Variants in CPS1 observed in about 807,000 individuals in gnomAD.
The protein encoded by CPS1 is carbamoyl-phosphate synthase 1, also known as carbamoyl-phosphate synthase [ammonia], mitochondrial.
In CPS1, 109 loss-of-function variants were observed where a neutral mutation model predicts 174.6. The ratio of observed to expected loss-of-function variants is 0.62; its 90% CI spans 0.53 to 0.73. The LOEUF is 0.73. Ranked by LOEUF, CPS1 falls within the 30% of genes least tolerant of loss-of-function variation. CPS1 has a pLI of 0.00. For missense variants in CPS1, 1,689 were observed against 1,821.9 expected, an observed-to-expected ratio of 0.93 and a Z score of 1.33; for synonymous variants, 637 against 632.0, an observed-to-expected ratio of 1.01 and a Z score of -0.12.
intron 21 of CPS1, among the ~76,000 whole-genome samples, chr2:210,633,346 C>A (rs1699929922): frequency 6.6e-6 from 1 of 151,958 alleles, no homozygotes; most frequent in African/African-American, 2.4e-5. Context: ...TATCAATCAA[C>A]CTTTTTCTTT....
intron 18 of CPS1, among the ~76,000 whole-genome samples, chr2:210,607,143 G>T (rs1486999782): frequency 3.3e-5 from 5 of 151,906 alleles, no homozygotes; most frequent in Non-Finnish European, 1.5e-5. Flanking sequence ...TTGCTAGCTG[G>T]CTTTGTTTGC....
In CPS1 at chr2:210,674,480, AAACC is replaced by A. The variant is rs1354312116; in HGVS notation, c.4102-419_4102-416del. The A allele has an allele frequency of 0.031, 3,102 of 99,712 alleles. 81 individuals are homozygous for A. Among genetic ancestry groups the A allele is most frequent in the African/African-American group, 0.091 (2,326 of 25,682 alleles). 6.2% of individuals were successfully genotyped at this position (99,712 alleles called of 1,614,324 possible). ...GCAAAAAACCCCATCTCAAAAAAAA[AAACC>A]AAAAAAAAAAAAAAGAAATAAGAGC... On this transcript the variant is annotated intron_variant, in intron 34 of 37. Transcript: ENST00000233072.
chr2:210,660,839 A>G (rs1306716557), intron 32 of CPS1, among the ~76,000 whole-genome samples, 184 bp downstream of exon 32: 1 of 152,214 alleles, frequency 6.6e-6, no homozygotes, highest in Non-Finnish European at 1.5e-5. Flanking sequence ...ACTGTTGTAC[A>G]TTTCAAAAAA....
chr2:210,653,653 C>G (rs542336757), intron 28 of CPS1, among the ~76,000 whole-genome samples: 3 of 152,120 alleles, frequency 2.0e-5, no homozygotes, highest in South Asian at 4.2e-4. Context: ...TATTCTGAAC[C>G]AATAATAATA....
intron 1 of CPS1, among the ~76,000 whole-genome samples, chr2:210,489,539 C>A (rs1694816893): frequency 6.6e-6 from 1 of 152,058 alleles, no homozygotes; most frequent in Admixed American, 6.6e-5. Flanking sequence ...AGTTTTCTTC[C>A]CTGGCACATA....
chr2:210,502,259 TAATG>T (rs557873912), intron 1 of CPS1, among the ~76,000 whole-genome samples: 2 of 151,834 alleles, frequency 1.3e-5, no homozygotes, highest in South Asian at 2.1e-4. Flanking sequence ...CTTCTCGAAT[TAATG>T]CTCACAGAGT....
At chr2:210,608,745 G>A (rs1255713291) in intron 19 of CPS1, among the ~76,000 whole-genome samples, 186 bp downstream of exon 19, 1 of 151,830 alleles carries the variant, frequency 6.6e-6, no homozygotes, top group Non-Finnish European at 1.5e-5. Context: ...CTATGTGATT[G>A]TTTACATATT....
intron 24 of CPS1, among the ~76,000 whole-genome samples, chr2:210,640,906 T>C (rs1700202191): frequency 6.6e-6 from 1 of 152,198 alleles, no homozygotes; most frequent in Non-Finnish European, 1.5e-5. Context: ...TGTAACAAAA[T>C]ACCTGAGATT....
chr2:210,585,404 A>G (rs979101852), intron 6 of CPS1, among the ~76,000 whole-genome samples: 1 of 152,046 alleles, frequency 6.6e-6, no homozygotes, highest in Non-Finnish European at 1.5e-5. Context: ...TTAATAAAAA[A>G]TAGGCACGAT....
chr2:210,483,673 C>T (rs1159275928), intron 1 of CPS1, among the ~76,000 whole-genome samples: 1 of 152,212 alleles, frequency 6.6e-6, no homozygotes, highest in Non-Finnish European at 1.5e-5. Flanking sequence ...CTAATTTACT[C>T]TCTCTGCACC....
At chr2:210,638,565 C>T (rs1290561702) in intron 22 of CPS1, among the ~76,000 whole-genome samples, 2 of 152,192 alleles carry the variant, frequency 1.3e-5, no homozygotes, top group African/African-American at 4.8e-5. Context: ...TATCTTTCTT[C>T]CTTCTCACCT....
chr2:210,518,717 AT>A (rs939029876), intron 1 of CPS1, among the ~76,000 whole-genome samples: 199 of 151,456 alleles, frequency 1.3e-3, no homozygotes, highest in Admixed American at 2.4e-3. Flanking sequence ...AGCTTCGGCT[AT>A]TTTTTTTTCT....
intron 1 of CPS1, among the ~76,000 whole-genome samples, chr2:210,540,096 T>C (rs1696359034): frequency 6.6e-6 from 1 of 152,196 alleles, no homozygotes; most frequent in African/African-American, 2.4e-5. Context: ...ATTCATATAA[T>C]CTGAATCCTC....
chr2:210,498,283 T>C (rs1695055263), intron 1 of CPS1, among the ~76,000 whole-genome samples: 1 of 152,146 alleles, frequency 6.6e-6, no homozygotes, highest in Non-Finnish European at 1.5e-5. Flanking sequence ...GGTTTGAGCA[T>C]AGAATATTTT....
intron 21 of CPS1, among the ~76,000 whole-genome samples, chr2:210,630,922 G>T (rs1033796662): frequency 1.3e-5 from 2 of 151,730 alleles, no homozygotes; most frequent in Non-Finnish European, 2.9e-5. Context: ...GGCTAGTGAG[G>T]GTTCATGAGT....
At chr2:210,665,629 T>G (rs893709798) in intron 33 of CPS1, among the ~76,000 whole-genome samples, 4 of 151,906 alleles carry the variant, frequency 2.6e-5, no homozygotes, top group African/African-American at 9.7e-5. Flanking sequence ...TCCAATATCA[T>G]CCATGTCCCT....
chr2:210,635,392 A>G (rs192195437), intron 21 of CPS1, among the ~76,000 whole-genome samples: 99 of 152,206 alleles, frequency 6.5e-4, no homozygotes, highest in African/African-American at 2.3e-3. Flanking sequence ...CTATCATTTC[A>G]TTGTCTCAAA....
intron 1 of CPS1, among the ~76,000 whole-genome samples, chr2:210,492,037 C>T (rs1270170885): frequency 4.6e-5 from 7 of 152,070 alleles, no homozygotes; most frequent in Admixed American, 1.3e-4. Flanking sequence ...GGGCAGAAGC[C>T]GACAAAGTTG....
intron 29 of CPS1, among the ~76,000 whole-genome samples, chr2:210,654,330 A>G (rs1559129575): frequency 1.3e-5 from 2 of 152,218 alleles, no homozygotes; most frequent in Non-Finnish European, 2.9e-5. Context: ...GATATTCAAA[A>G]GTAATTATCA....
Sources: gnomAD v4.1 joint callset for allele counts (sites outside exome capture counted in the v4.1 genomes callset) on GRCh38, gnomAD v4.1.1 for gene constraint, MANE v1.5 for transcripts, NCBI Gene and HGNC (gene_info 2026-07-23, HGNC 2026-07-21) for gene names.